The following LRRC37A2 variants were observed in gnomAD, a reference collection of about 807,000 sequenced individuals.
LRRC37A2 encodes the protein leucine-rich repeat-containing protein 37A2.
In LRRC37A2, 9 loss-of-function variants were observed where a neutral mutation model predicts 68.8. The ratio of observed to expected loss-of-function variants is 0.13; its 90% CI spans 0.08 to 0.23. LRRC37A2 has a LOEUF of 0.23. LRRC37A2 is among the 10% of genes least tolerant of loss of function. The pLI is 1.00. For synonymous variants in LRRC37A2, 63 were observed against 367.6 expected, an observed-to-expected ratio of 0.17 and a Z score of 9.48; for missense variants, 168 against 950.4, an observed-to-expected ratio of 0.18 and a Z score of 10.82.
At chr17:47,024,622 G>A in the LRRC37A2 span, 2 of 1,058,138 alleles carry the variant, frequency 1.9e-6, no homozygotes, top group Admixed American at 1.7e-5. Flanking sequence ...AGACAGTCCT[G>A]TGTAGCAAAT....
the LRRC37A2 span, among the ~76,000 whole-genome samples, chr17:46,852,389 AGTGTGTGTGTGTGTGTGTGTGTGTGT>A: frequency 6.6e-5 from 7 of 105,322 alleles, no homozygotes; most frequent in African/African-American, 2.2e-4. Context: ...GAGAGGGCCC[AGTGTGTGTGTGTGTGTGTGTGTGTGT>A]GTGTGTGTGT....
chr17:47,047,994 G>A, the LRRC37A2 span, among the ~76,000 whole-genome samples: 5 of 150,834 alleles, frequency 3.3e-5, no homozygotes, highest in Non-Finnish European at 5.9e-5. Context: ...GATATGGGGT[G>A]GAGAATTAAT....
the LRRC37A2 span, among the ~76,000 whole-genome samples, chr17:46,823,113 A>G: frequency 1.1e-4 from 10 of 90,844 alleles, no homozygotes; most frequent in South Asian, 2.3e-3. Context: ...AAACACATAT[A>G]TTATATATTA....
the LRRC37A2 span, among the ~76,000 whole-genome samples, chr17:46,806,760 G>T: frequency 2.6e-5 from 4 of 152,262 alleles, no homozygotes; most frequent in Non-Finnish European, 5.9e-5. Flanking sequence ...AAGCGGAGGG[G>T]AGGGGAGAGC....
the LRRC37A2 span, among the ~76,000 whole-genome samples, chr17:46,390,514 C>T: frequency 9.1e-6 from 1 of 109,864 alleles, no homozygotes; most frequent in Non-Finnish European, 2.1e-5. Flanking sequence ...ACAGTGAAAC[C>T]CCGTCTCTAC....
chr17:46,496,621 C>CA, the LRRC37A2 span, among the ~76,000 whole-genome samples: 2 of 126,988 alleles, frequency 1.6e-5, no homozygotes, highest in Admixed American at 8.2e-5. Flanking sequence ...AAAAAAAAAA[C>CA]AAAACAAAAC....
At chr17:46,947,957 A>G in the LRRC37A2 span, among the ~76,000 whole-genome samples, 1 of 152,114 alleles carries the variant, frequency 6.6e-6, no homozygotes, top group Non-Finnish European at 1.5e-5. Flanking sequence ...TTTACTAGAG[A>G]CAGAGTTTCA....
chr17:46,810,402 C>T, the LRRC37A2 span, among the ~76,000 whole-genome samples: 31,510 of 152,140 alleles, frequency 0.21, 3,598 homozygotes, highest in South Asian at 0.37. Context: ...GTCCTCAGCT[C>T]CTTCCTGTAG....
exon 10 of LRRC37A2, chr17:46,548,899 G>A (rs768955481): frequency 6.2e-7 from 1 of 1,612,628 alleles, no homozygotes; most frequent in African/African-American, 1.4e-5. Flanking sequence ...CTTCTCCAAG[G>A]GCGCGCCTTC....
chr17:46,950,043 T>C, the LRRC37A2 span, among the ~76,000 whole-genome samples: 31 of 152,230 alleles, frequency 2.0e-4, no homozygotes, highest in Admixed American at 3.9e-4. Flanking sequence ...GGAAACCAAA[T>C]CCCAAAGAGA....
the LRRC37A2 span, among the ~76,000 whole-genome samples, chr17:46,867,987 G>T: frequency 6.6e-6 from 1 of 152,138 alleles, no homozygotes; most frequent in Non-Finnish European, 1.5e-5. Flanking sequence ...GGGGCAGCAA[G>T]GGGAGGAGGC....
chr17:46,735,909 C>T, the LRRC37A2 span, among the ~76,000 whole-genome samples: 1 of 152,146 alleles, frequency 6.6e-6, no homozygotes. Flanking sequence ...TGTACCACTG[C>T]ACTCCATCCT....
the LRRC37A2 span, among the ~76,000 whole-genome samples, chr17:46,493,019 C>A: frequency 7.1e-6 from 1 of 140,706 alleles, no homozygotes; most frequent in South Asian, 2.1e-4. Flanking sequence ...TTTTTTTTGG[C>A]CACCTTAATA....
At chr17:46,901,172 TA>T in the LRRC37A2 span, among the ~76,000 whole-genome samples, 3 of 152,038 alleles carry the variant, frequency 2.0e-5, no homozygotes, top group Non-Finnish European at 4.4e-5. Context: ...TTATTATTAT[TA>T]TTTTTTTAGA....
At chr17:46,788,434 A>G in the LRRC37A2 span, among the ~76,000 whole-genome samples, 4 of 152,092 alleles carry the variant, frequency 2.6e-5, no homozygotes, top group Non-Finnish European at 5.9e-5. Flanking sequence ...CCACATTGCT[A>G]TACCCTTCAA....
chr17:46,809,581 C>T, the LRRC37A2 span, among the ~76,000 whole-genome samples: 2 of 152,214 alleles, frequency 1.3e-5, no homozygotes, highest in African/African-American at 4.8e-5. Context: ...CATTAGGATT[C>T]CCTGATGACT....
the LRRC37A2 span, among the ~76,000 whole-genome samples, chr17:46,820,440 C>CG: frequency 6.7e-6 from 1 of 150,204 alleles, no homozygotes; most frequent in Non-Finnish European, 1.5e-5. Flanking sequence ...AGAAAACTGT[C>CG]GGGGGGAGGC....
At chr17:46,622,348 C>G in the LRRC37A2 span, among the ~76,000 whole-genome samples, 1 of 149,882 alleles carries the variant, frequency 6.7e-6, no homozygotes, top group East Asian at 2.0e-4. Context: ...GTCCCAGCTA[C>G]TTGGGAGGCT....
chr17:46,903,211 G>T, the LRRC37A2 span, among the ~76,000 whole-genome samples: 1 of 152,090 alleles, frequency 6.6e-6, no homozygotes, highest in East Asian at 1.9e-4. Context: ...AACCCGGGAG[G>T]TGGAGGTTGC....
Sources: gnomAD v4.1 joint callset for allele counts (sites outside exome capture counted in the v4.1 genomes callset) on GRCh38, gnomAD v4.1.1 for gene constraint, MANE v1.5 for transcripts, NCBI Gene and HGNC (gene_info 2026-07-23, HGNC 2026-07-21) for gene names.